The following SLC12A2 variants were observed in gnomAD, a reference collection of about 807,000 sequenced individuals.
SLC12A2 encodes Na-K-2Cl cotransporter 1.
A neutral mutation model predicts 136.3 loss-of-function variants in SLC12A2; 67 were observed. The ratio of observed to expected loss-of-function variants is 0.49; its 90% confidence interval spans 0.40 to 0.60. The LOEUF is 0.60. SLC12A2 is among the 20% of genes least tolerant of loss of function. The pLI, the probability that SLC12A2 is intolerant of heterozygous loss-of-function variation, is 0.00. For missense variants in SLC12A2, 1,322 were observed against 1,534.7 expected, an observed-to-expected ratio of 0.86 and a Z score of 2.32; for synonymous variants, 619 against 562.9, an observed-to-expected ratio of 1.10 and a Z score of -1.41.
Position 128,177,170 on chromosome 5 carries a change from T to C in SLC12A2, c.2977+18T>C, listed in dbSNP as rs1391875532. ...GAAAAAAGGCAGGCATTTTTCATCA[T>C]TTTATTTTAAACCCTTTTTCATACT... On this transcript the variant is annotated intron_variant, in intron 21 of 26. Coordinates refer to ENST00000262461, the MANE Select transcript of SLC12A2 (RefSeq NM_001046.3). 6 of 1,579,886 alleles carry C rather than the reference T, an allele frequency of 3.8e-6. No homozygotes were observed. In the East Asian group the frequency reaches 9.2e-5, roughly 24 times the overall value.
At chr5:128,171,362 T>A (rs1763370410) in intron 18 of SLC12A2, among the ~76,000 whole-genome samples, 1 of 152,096 alleles carries the variant, frequency 6.6e-6, no homozygotes, top group Non-Finnish European at 1.5e-5. Flanking sequence ...CTGAAAGTAG[T>A]TTTTCTATAA....
intron 24 of SLC12A2, among the ~76,000 whole-genome samples, chr5:128,183,696 T>C (rs754034189): frequency 1.5e-4 from 23 of 152,096 alleles, no homozygotes; most frequent in Non-Finnish European, 2.9e-4. Context: ...CCCTTCAAAA[T>C]GTTCTAGTAC....
At chr5:128,180,213 A>G (rs1245485082) in intron 22 of SLC12A2, among the ~76,000 whole-genome samples, 6 of 151,436 alleles carry the variant, frequency 4.0e-5, no homozygotes, top group Non-Finnish European at 7.4e-5. Context: ...CTCGTGATCC[A>G]CCCACCTCGG....
chr5:128,151,129 A>G (rs1437998857), intron 13 of SLC12A2, 112 bp from the exon 14 acceptor site: 4 of 852,682 alleles, frequency 4.7e-6, no homozygotes. Flanking sequence ...CTTAATGCTT[A>G]AAGTCCTCTC....
intron 4 of SLC12A2, among the ~76,000 whole-genome samples, chr5:128,129,475 CT>C (rs549925133): frequency 0.012 from 1,619 of 130,696 alleles, 21 homozygotes; most frequent in African/African-American, 0.038. Flanking sequence ...GGTTAGGTTG[CT>C]TTTTTTTTTT....
At chr5:128,134,036 C>G (rs372587942) in intron 5 of SLC12A2, 129 bp from the exon 6 acceptor site, 1 of 545,764 alleles carries the variant, frequency 1.8e-6, no homozygotes, top group Non-Finnish European at 3.3e-6. Context: ...TCCATTTATT[C>G]CTTAAGCAAC....
At chr5:128,174,771 C>G (rs1194627481) in intron 20 of SLC12A2, 105 bp downstream of exon 20, 3 of 898,296 alleles carry the variant, frequency 3.3e-6, no homozygotes, top group East Asian at 6.1e-5. Flanking sequence ...TGTTCTCAAA[C>G]TTGTACTGGT....
At chr5:128,110,091 T>C in intron 1 of SLC12A2, 5 of 949,958 alleles carry the variant, frequency 5.3e-6, no homozygotes, top group Middle Eastern at 2.5e-4. Context: ...TTATATCAAG[T>C]CTCATGGTGA....
intron 4 of SLC12A2, among the ~76,000 whole-genome samples, chr5:128,117,953 C>T (rs1421825007): frequency 6.6e-6 from 1 of 151,986 alleles, no homozygotes; most frequent in African/African-American, 2.4e-5. Flanking sequence ...GGCCAAGAAA[C>T]ATACGAAAAA....
chr5:128,170,863 C>T (rs1396631235), intron 18 of SLC12A2: 1 of 152,002 alleles, frequency 6.6e-6, no homozygotes, highest in African/African-American at 2.4e-5. Flanking sequence ...TTTGGGAAGA[C>T]AAGGCAGGTG....
At chr5:128,096,789 G>C (rs954646574) in intron 1 of SLC12A2, among the ~76,000 whole-genome samples, 1 of 151,970 alleles carries the variant, frequency 6.6e-6, no homozygotes, top group South Asian at 2.1e-4. Context: ...ACAAATTTAA[G>C]AAAGGTAATT....
At position 128,084,636 on chromosome 5, in the gene SLC12A2, C is replaced by T. The variant is rs1276217282; in HGVS notation, c.682C>T (p.Arg228Trp). 2 of 1,613,294 alleles carry T rather than the reference C, an allele frequency of 1.2e-6. No homozygotes were observed. The highest frequency in any genetic ancestry group is 1.7e-6 in the Non-Finnish European group (2 of 1,179,864). Reference sequence around the variant, plus strand: ...CGCTGTGCCCAGGATCGATCACTACCGGCACACAGCCGCGCAGCTGGGCGA... The same window carrying T: ...CGCTGTGCCCAGGATCGATCACTACTGGCACACAGCCGCGCAGCTGGGCGA... ...MDAVPRIDHY[R>W]HTAAQLGEKL... The change falls in exon 1 of 27, where the codon CGG (arginine) becomes TGG (tryptophan). Residue 228 changes from arginine to tryptophan, a missense_variant. Transcript: ENST00000262461. The surrounding 1 kb of genome is among the most constrained non-coding windows in gnomAD (Gnocchi z 5.6).
rs780614080 is a variant in SLC12A2, at chr5:128,184,430, A to G, written c.3364A>G (p.Ile1122Val). Residue 1122 changes from isoleucine (I) to valine (V), a missense_variant, in exon 25 of 27, where the codon ATT (isoleucine) becomes GTT (valine). Ile to Val is a conservative substitution (Grantham distance 29). Coordinates refer to ENST00000262461, the MANE Select transcript of SLC12A2 (RefSeq NM_001046.3). ...TCATGAAGATGATAAAGAGCAAGAT[A>G]TTGCAGATAAAATGAAAGAAGATGA... ...RLHEDDKEQDIADKMKEDEPW... is the reference protein window; with the variant it reads ...RLHEDDKEQDVADKMKEDEPW... 1.4e-5 allele frequency: 23 copies of G among 1,605,386 alleles called. No homozygotes were observed. The highest frequency in any genetic ancestry group is 2.0e-5 in the Non-Finnish European group (23 of 1,173,988).
chr5:128,160,843 TTGTG>T (rs145223863), intron 16 of SLC12A2, among the ~76,000 whole-genome samples: 12,128 of 147,382 alleles, frequency 0.082, 540 homozygotes, highest in African/African-American at 0.11. Flanking sequence ...GGGTGTGTGT[TTGTG>T]TGTGTGTGTG....
intron 1 of SLC12A2, among the ~76,000 whole-genome samples, chr5:128,094,727 C>T (rs1417606646): frequency 6.6e-6 from 1 of 151,912 alleles, no homozygotes; most frequent in African/African-American, 2.4e-5. Flanking sequence ...TTTGTATTTC[C>T]TCTGCCATCC....
At chr5:128,117,139 C>T (rs1003028008) in intron 4 of SLC12A2, among the ~76,000 whole-genome samples, 5 of 152,090 alleles carry the variant, frequency 3.3e-5, no homozygotes, top group African/African-American at 7.2e-5. Context: ...AAAGAACCAA[C>T]GGACTTTAGA....
chr5:128,084,399 T>C lies in SLC12A2; in HGVS notation c.445T>C (p.Ser149Pro). ...CGTGAACTTCGTGGACCCAGCTGCC[T>C]CCTCGTCGGCTGAAGACAGCCTGTC... ...FRVNFVDPAASSSAEDSLSDA... is the reference protein window; with the variant it reads ...FRVNFVDPAAPSSAEDSLSDA... The change falls in exon 1 of 27, where the codon TCC (serine) becomes CCC (proline). Residue 149 changes from serine to proline, a missense_variant. Physicochemically the swap from Ser to Pro is moderately conservative, Grantham distance 74. Around this residue, in one of 8 missense-constraint regions of SLC12A2, gnomAD observed 358 missense variants for 299.7 expected, o/e 1.19. Coordinates refer to ENST00000262461, the MANE Select transcript of SLC12A2 (RefSeq NM_001046.3). This position sits in a 1 kb window ranked among gnomAD's most constrained non-coding sequence, Gnocchi z 5.6. 1 of 1,610,510 alleles carries C rather than the reference T, an allele frequency of 6.2e-7. No individual in the cohort carries two copies. The highest frequency in any genetic ancestry group is 1.1e-5 in the South Asian group (1 of 90,908).
At chr5:128,164,195 T>C (rs1289296889) in intron 17 of SLC12A2, among the ~76,000 whole-genome samples, 1 of 152,116 alleles carries the variant, frequency 6.6e-6, no homozygotes, top group Non-Finnish European at 1.5e-5. Context: ...GGGCCCAGCG[T>C]TTGCACTTCC....
intron 4 of SLC12A2, among the ~76,000 whole-genome samples, chr5:128,121,177 A>G (rs1243151853): frequency 1.3e-5 from 2 of 152,238 alleles, no homozygotes; most frequent in Non-Finnish European, 2.9e-5. Context: ...TAACTTGTAA[A>G]CAAATGTAAT....
Sources: allele counts gnomAD v4.1 joint callset (sites outside exome capture counted in the v4.1 genomes callset), GRCh38; gene constraint gnomAD v4.1.1; regional missense constraint gnomAD v4.1.1; non-coding constraint Gnocchi (gnomAD v3.1); transcripts MANE v1.5; gene names NCBI Gene and HGNC (gene_info 2026-07-23, HGNC 2026-07-21).